The following CABIN1 variants were observed in gnomAD, a reference collection of about 807,000 sequenced individuals.
CABIN1 encodes the protein calcineurin binding protein 1.
In CABIN1, 133 loss-of-function variants were observed where a neutral mutation model predicts 227.7. That is an observed-to-expected ratio of 0.58 (90% CI 0.51 to 0.67). The LOEUF (loss-of-function observed/expected upper bound fraction) is 0.67. Among genes scored for constraint, CABIN1 ranks in the 30% least tolerant of loss-of-function variants. The probability of loss-of-function intolerance (pLI) is 0.00; values close to 1 mark genes in which losing one functional copy is unlikely to be tolerated. For missense variants in CABIN1, 2,408 were observed against 2,852.5 expected, an observed-to-expected ratio of 0.84 and a Z score of 3.55; for synonymous variants, 1,086 against 1,155.1, an observed-to-expected ratio of 0.94 and a Z score of 1.21.
chr22:24,049,876 G>A (rs892769158), intron 7 of CABIN1, among the ~76,000 whole-genome samples: 1 of 151,996 alleles, frequency 6.6e-6, no homozygotes, highest in African/African-American at 2.4e-5. Flanking sequence ...CCTTTGCCAG[G>A]TGTCTTCCCA....
At chr22:24,045,299 T>C (rs1002330218) in intron 6 of CABIN1, among the ~76,000 whole-genome samples, 4 of 151,844 alleles carry the variant, frequency 2.6e-5, no homozygotes, top group Non-Finnish European at 2.9e-5. Context: ...TTTAAGCTTA[T>C]ACCCAGTTCT....
Position 24,149,126 on chromosome 22 carries a change from C to T in CABIN1, c.4746+14711C>T, listed in dbSNP as rs555493770. 5.3e-5 allele frequency among the ~76,000 whole-genome samples: 8 copies of T among 152,312 alleles called. No homozygotes were observed. The South Asian group carries it at 1.7e-3, about 32-fold the overall frequency. On this transcript the variant is annotated intron_variant, in intron 29 of 36. Transcript: ENST00000263119. ...TGACAGGCTGCAGCTGACAAGTGCT[C>T]CTGGGGACCAAGAGGAACAGACCAA...
intron 28 of CABIN1, among the ~76,000 whole-genome samples, chr22:24,121,275 G>C (rs889531708): frequency 6.6e-6 from 1 of 152,054 alleles, no homozygotes; most frequent in Non-Finnish European, 1.5e-5. Flanking sequence ...ACAGAATTCT[G>C]TTTGGGGGAC....
intron 29 of CABIN1, among the ~76,000 whole-genome samples, chr22:24,135,884 C>G (rs1332011727): frequency 6.6e-6 from 1 of 152,214 alleles, no homozygotes; most frequent in Non-Finnish European, 1.5e-5. Flanking sequence ...GTGGGAGTGT[C>G]TGGATCCATG....
At chr22:24,018,135 G>C (rs1186506537) in intron 1 of CABIN1, among the ~76,000 whole-genome samples, 1 of 152,182 alleles carries the variant, frequency 6.6e-6, no homozygotes, top group Non-Finnish European at 1.5e-5. Flanking sequence ...GACTAAAGGT[G>C]TGAGCCACCA....
At chr22:24,112,608 T>C (rs981281677) in intron 26 of CABIN1, among the ~76,000 whole-genome samples, 4 of 152,140 alleles carry the variant, frequency 2.6e-5, no homozygotes, top group South Asian at 4.1e-4. Flanking sequence ...GGTAGTTCTC[T>C]GTTGTCTTGG....
At chr22:24,085,581 G>A (rs2041100210) in intron 22 of CABIN1, among the ~76,000 whole-genome samples, 1 of 152,142 alleles carries the variant, frequency 6.6e-6, no homozygotes, top group Admixed American at 6.5e-5. Flanking sequence ...AAAAACTCAA[G>A]CCAGAGTTCT....
At chr22:24,121,709 G>C (rs2043421849) in intron 28 of CABIN1, among the ~76,000 whole-genome samples, 1 of 152,174 alleles carries the variant, frequency 6.6e-6, no homozygotes, top group Non-Finnish European at 1.5e-5. Context: ...TCCCTCTTTT[G>C]GGAGCAGCAG....
At chr22:24,015,924 C>T (rs1416936276) in intron 1 of CABIN1, among the ~76,000 whole-genome samples, 1 of 152,168 alleles carries the variant, frequency 6.6e-6, no homozygotes, top group Non-Finnish European at 1.5e-5. Context: ...CGCCACTGCA[C>T]TCCAGCCAGG....
At chr22:24,085,794 T>G (rs1171293984) in intron 22 of CABIN1, among the ~76,000 whole-genome samples, 3 of 152,140 alleles carry the variant, frequency 2.0e-5, no homozygotes, top group African/African-American at 4.8e-5. Context: ...GAGGGAATAT[T>G]TTTTCCTACC....
At chr22:24,102,984 T>C (rs928211735) in intron 26 of CABIN1, 1 of 152,574 alleles carries the variant, frequency 6.6e-6, no homozygotes, top group African/African-American at 2.4e-5. Flanking sequence ...CCATGCTGCC[T>C]CCACCAATAT....
chr22:24,041,404 C>T, intron 5 of CABIN1, 131 bp downstream of exon 5: 2 of 1,160,212 alleles, frequency 1.7e-6, no homozygotes, highest in South Asian at 1.3e-5. Context: ...ACCCAAGGCT[C>T]TAGGGTAGGT....
chr22:24,091,857 G>C lies in CABIN1; in HGVS notation c.3786+14G>C. On this transcript the variant is annotated intron_variant, in intron 24 of 36. Transcript: ENST00000263119. ...GAGGCCCTGGAGGTGACACCATGCT[G>C]GCCCAGGGCGGGGAAGCAGGGCAGG... 2 of 1,611,526 alleles carry C rather than the reference G, an allele frequency of 1.2e-6. No homozygotes were observed. Among genetic ancestry groups the C allele is most frequent in the Non-Finnish European group, 1.7e-6 (2 of 1,178,142 alleles).
chr22:24,048,521 A>G (rs1381592309), intron 6 of CABIN1, among the ~76,000 whole-genome samples: 1 of 152,104 alleles, frequency 6.6e-6, no homozygotes, highest in African/African-American at 2.4e-5. Flanking sequence ...CCTGGGCTCA[A>G]ACGATTCTCC....
chr22:24,099,534 A>T (rs1475029865), intron 26 of CABIN1, among the ~76,000 whole-genome samples: 3 of 152,156 alleles, frequency 2.0e-5, no homozygotes, highest in African/African-American at 7.2e-5. Context: ...GAACTGACCC[A>T]CCTGCTCCTC....
rs181831257 is a variant in CABIN1, at chr22:24,106,428, G to A, written c.4118-7138G>A. 4.3e-3 allele frequency among the ~76,000 whole-genome samples: 656 copies of A among 152,324 alleles called. 8 individuals are homozygous for A. The highest frequency in any genetic ancestry group is 6.8e-3 in the Middle Eastern group (2 of 294). On this transcript the variant is annotated intron_variant, in intron 26 of 36. Transcript: ENST00000263119. ...GGCTTCCTGCTTCAGGAATGGGGGT[G>A]GCTCTGGGTTACACACCACAGTCCA...
chr22:24,175,938 G>C lies in CABIN1; in HGVS notation c.6041-173G>C. ...CTACCAGTGTCCTCTTGGGTGGTGA[G>C]TGGTTTCTTGGCAGCACCAACCTGG... On this transcript the variant is annotated intron_variant, in intron 34 of 36. Coordinates refer to ENST00000263119, the MANE Select transcript of CABIN1 (RefSeq NM_012295.4). 6.7e-6 allele frequency: 5 copies of C among 748,450 alleles called. 1 individual carries two copies. The South Asian group carries it at 8.0e-5, about 12-fold the overall frequency. The allele number at this position is 748,450 out of a possible 1,614,324, so 46.4% of individuals were successfully genotyped here.
In CABIN1 at chr22:24,087,577, G is replaced by A. The variant is rs142958577; in HGVS notation, c.3389G>A (p.Arg1130His). The A allele has an allele frequency of 1.5e-5, 25 of 1,614,064 alleles. No homozygotes were observed. Among genetic ancestry groups the A allele is most frequent in the South Asian group, 8.8e-5 (8 of 91,086 alleles). Reference sequence around the variant, plus strand: ...GCCACGCCCGTCTTGAACTGCTTCCGTCGGGCCCTGGAGATTGACAGCTCC... The same window carrying A: ...GCCACGCCCGTCTTGAACTGCTTCCATCGGGCCCTGGAGATTGACAGCTCC... ...KHATPVLNCF[R>H]RALEIDSSNL... Residue 1130 changes from arginine (R) to histidine (H), a missense_variant, in exon 23 of 37, where the codon CGT (arginine) becomes CAT (histidine). Physicochemically the swap from Arg to His is conservative, Grantham distance 29 (BLOSUM62 0). Around this residue, in one of 3 missense-constraint regions of CABIN1, gnomAD observed 649 missense variants for 910.3 expected, o/e 0.71. Coordinates refer to ENST00000263119, the MANE Select transcript of CABIN1 (RefSeq NM_012295.4).
At chr22:24,037,161 A>G (rs2036961023) in intron 3 of CABIN1, among the ~76,000 whole-genome samples, 1 of 151,690 alleles carries the variant, frequency 6.6e-6, no homozygotes, top group African/African-American at 2.4e-5. Flanking sequence ...TAGGGAGGCT[A>G]AGGCAGGACA....
Sources: gnomAD v4.1 joint callset for allele counts (sites outside exome capture counted in the v4.1 genomes callset) on GRCh38, gnomAD v4.1.1 for gene constraint, gnomAD v4.1.1 regional missense constraint, MANE v1.5 for transcripts, NCBI Gene and HGNC (gene_info 2026-07-23, HGNC 2026-07-21) for gene names.